The following MEIS2 variants were observed in gnomAD, a reference collection of about 807,000 sequenced individuals.
MEIS2 encodes the protein homeobox protein Meis2.
Under a neutral mutation model 58.6 loss-of-function variants are expected in MEIS2, and 9 were observed. The ratio of observed to expected loss-of-function variants is 0.15; its 90% confidence interval spans 0.09 to 0.27. MEIS2 has a LOEUF of 0.27. Ranked by LOEUF, MEIS2 falls within the 10% of genes least tolerant of loss-of-function variation. MEIS2 has a pLI of 1.00. For missense variants in MEIS2, 427 were observed against 635.0 expected, an observed-to-expected ratio of 0.67 and a Z score of 3.52; for synonymous variants, 221 against 228.4, an observed-to-expected ratio of 0.97 and a Z score of 0.29.
Position 36,957,219 on chromosome 15 carries a change from A to G in MEIS2, c.901-6819T>C, listed in dbSNP as rs148387989. 1.2e-4 allele frequency among the ~76,000 whole-genome samples: 18 copies of G among 152,322 alleles called. No individual in the cohort carries two copies. In the East Asian group the frequency reaches 2.3e-3, roughly 20 times the overall value. On this transcript the variant is annotated intron_variant, in intron 8 of 11. Transcript: ENST00000561208. ...TTCTTAAAATGACCATAGAGAGTAA[A>G]TTTTAGCATGTTTTTTGTGTAAAGT...
intron 9 of MEIS2, among the ~76,000 whole-genome samples, chr15:36,908,941 AAAT>A (rs570250317): frequency 3.9e-5 from 6 of 152,052 alleles, no homozygotes; most frequent in African/African-American, 1.2e-4. Flanking sequence ...CTCCATCTCA[AAAT>A]AATAATAATA....
chr15:36,902,343 C>T (rs750814089), intron 9 of MEIS2, among the ~76,000 whole-genome samples: 22 of 152,200 alleles, frequency 1.4e-4, no homozygotes, highest in Non-Finnish European at 8.8e-5. Context: ...TTCTAAAAAT[C>T]GGAGTTTAAT....
chr15:37,094,321 G>A (rs987947480), intron 5 of MEIS2, among the ~76,000 whole-genome samples: 13 of 152,220 alleles, frequency 8.5e-5, no homozygotes, highest in Non-Finnish European at 1.3e-4. Context: ...TTGGGGAGGA[G>A]GAGGCTACTT....
chr15:37,090,521 TA>T (rs1373439465), intron 6 of MEIS2, among the ~76,000 whole-genome samples: 1 of 152,162 alleles, frequency 6.6e-6, no homozygotes, highest in African/African-American at 2.4e-5. Context: ...GCTTTGAAGA[TA>T]TTTATATTTA....
intron 8 of MEIS2, among the ~76,000 whole-genome samples, chr15:36,953,054 T>C (rs1039051677): frequency 2.0e-4 from 30 of 152,182 alleles, no homozygotes; most frequent in Non-Finnish European, 2.9e-4. Flanking sequence ...CATGATTCCA[T>C]GCCCCTTTTA....
In MEIS2 at chr15:37,017,052, C is replaced by T. The variant is rs73393545; in HGVS notation, c.900+19762G>A. 7.9e-3 allele frequency among the ~76,000 whole-genome samples: 1,202 copies of T among 152,292 alleles called. 20 individuals carry two copies. Among genetic ancestry groups the T allele is most frequent in the African/African-American group, 0.027 (1,139 of 41,538 alleles). On this transcript the variant is annotated intron_variant, in intron 8 of 11. Coordinates refer to ENST00000561208, the MANE Select transcript of MEIS2 (RefSeq NM_170675.5). The stretch of plus-strand genomic sequence containing the variant: ...TGCTAACTGCTTTTTAACAAACACA[C>T]ACTTGTCACTATGCCATCTAGTTTT...
At chr15:36,950,612 C>T (rs2058721731) in intron 8 of MEIS2, among the ~76,000 whole-genome samples, 1 of 152,014 alleles carries the variant, frequency 6.6e-6, no homozygotes, top group African/African-American at 2.4e-5. Flanking sequence ...CTCTGTAGGG[C>T]CAGCAGTAAA....
intron 5 of MEIS2, 151 bp from the exon 6 acceptor site, chr15:37,093,881 G>GT: frequency 1.1e-6 from 1 of 937,314 alleles, no homozygotes; most frequent in Non-Finnish European, 1.6e-6. Context: ...ATTAAAGGGT[G>GT]TAATAGTTGA....
chr15:37,019,012 C>A (rs1470045771), intron 8 of MEIS2, among the ~76,000 whole-genome samples: 1 of 152,092 alleles, frequency 6.6e-6, no homozygotes, highest in East Asian at 1.9e-4. Context: ...GAGGACTAGT[C>A]CCAGACCACC....
At chr15:37,003,853 T>G (rs1250967068) in intron 8 of MEIS2, among the ~76,000 whole-genome samples, 1 of 152,196 alleles carries the variant, frequency 6.6e-6, no homozygotes, top group Non-Finnish European at 1.5e-5. Context: ...CCCTCACCCC[T>G]TCTGCCATAT....
chr15:36,992,269 T>C (rs2060323085), intron 8 of MEIS2, among the ~76,000 whole-genome samples: 1 of 152,070 alleles, frequency 6.6e-6, no homozygotes, highest in South Asian at 2.1e-4. Flanking sequence ...TCCTCAATAC[T>C]TAGAAGTTGA....
Position 36,892,244 on chromosome 15 carries a change from G to A in MEIS2, c.1363C>T (p.Gln455Ter). 6.2e-7 allele frequency: 1 copy of A among 1,614,154 alleles called. No individual in the cohort carries two copies. The highest frequency in any genetic ancestry group is 2.2e-5 in the East Asian group (1 of 44,886). ...ACAGAATTTAACATTGTGGGGCTCT[G>A]TGCTGACATAGTCATTCCAGGGTGG... ...PTHPGMTMSA[Q>*]SPTMLNSVDP... Residue 455 changes from glutamine (Q) to a stop codon, truncating the protein, a stop_gained, in exon 12 of 12, where the codon CAG (glutamine) becomes TAG (stop). Coordinates refer to ENST00000561208, the MANE Select transcript of MEIS2 (RefSeq NM_170675.5). LOFTEE classifies it high-confidence loss of function.
At chr15:36,956,998 A>G (rs1409729342) in intron 8 of MEIS2, among the ~76,000 whole-genome samples, 1 of 152,132 alleles carries the variant, frequency 6.6e-6, no homozygotes, top group East Asian at 1.9e-4. Context: ...TTCTATAGCA[A>G]TACAGATTCT....
At chr15:36,996,223 C>T (rs1247193284) in intron 8 of MEIS2, among the ~76,000 whole-genome samples, 1 of 151,936 alleles carries the variant, frequency 6.6e-6, no homozygotes, top group African/African-American at 2.4e-5. Context: ...TCATTAGTCT[C>T]ACAGACTAAA....
chr15:36,937,077 T>C (rs1026177408), intron 9 of MEIS2, among the ~76,000 whole-genome samples: 2 of 151,998 alleles, frequency 1.3e-5, no homozygotes, highest in Non-Finnish European at 2.9e-5. Flanking sequence ...GTTTAGTGAG[T>C]GGGTGAAGGA....
chr15:37,091,502 T>C (rs1893512785), intron 6 of MEIS2, among the ~76,000 whole-genome samples: 1 of 152,116 alleles, frequency 6.6e-6, no homozygotes, highest in Admixed American at 6.5e-5. Flanking sequence ...TCAAAATAAA[T>C]CAGTTGTCAT....
intron 7 of MEIS2, among the ~76,000 whole-genome samples, chr15:37,052,252 ATAAG>A (rs1386713513): frequency 6.6e-6 from 1 of 152,208 alleles, no homozygotes; most frequent in Non-Finnish European, 1.5e-5. Context: ...AATCCACCAT[ATAAG>A]GATGAAATGG....
rs1485111658 is a variant in MEIS2 at position 36,977,000 on chromosome 15, C to A, written c.901-26600G>T. Among the ~76,000 whole-genome samples, 3 of 152,212 alleles carry A rather than the reference C, an allele frequency of 2.0e-5. No individual in the cohort carries two copies. In the East Asian group the frequency reaches 5.8e-4, roughly 30 times the overall value. ...AATTAGCTGGGCATGGTGGCGCATG[C>A]CTCTAATCCCAGCTACTCAGGAGGC... is the stretch of plus-strand genomic sequence containing the variant. On this transcript the variant is annotated intron_variant, in intron 8 of 11. Coordinates refer to ENST00000561208, the MANE Select transcript of MEIS2 (RefSeq NM_170675.5).
At chr15:36,916,867 C>T (rs2057301952) in intron 9 of MEIS2, among the ~76,000 whole-genome samples, 1 of 152,140 alleles carries the variant, frequency 6.6e-6, no homozygotes, top group South Asian at 2.1e-4. Context: ...CTCACAAAAA[C>T]CCTATGGAGT....
Sources: allele counts gnomAD v4.1 joint callset (sites outside exome capture counted in the v4.1 genomes callset), GRCh38; gene constraint gnomAD v4.1.1; transcripts MANE v1.5; gene names NCBI Gene and HGNC (gene_info 2026-07-23, HGNC 2026-07-21).